KALRN: variants seen among roughly 807,000 people sequenced by gnomAD.
KALRN encodes the protein kalirin.
A neutral mutation model predicts 353.7 loss-of-function variants in KALRN; 70 were observed. The observed-to-expected ratio is 0.20, with a 90% confidence interval of 0.16 to 0.24. The LOEUF (loss-of-function observed/expected upper bound fraction) is 0.24. Ranked by LOEUF, KALRN falls within the 10% of genes least tolerant of loss-of-function variation. The pLI is 1.00. For missense variants in KALRN, 2,791 were observed against 3,756.7 expected (o/e 0.74, Z 6.72); for synonymous variants, 1,391 against 1,434.8 (o/e 0.97, Z 0.69).
intron 1 of KALRN, among the ~76,000 whole-genome samples, chr3:124,222,687 G>T (rs1204333527): frequency 8.6e-5 from 13 of 152,022 alleles, no homozygotes; most frequent in Admixed American, 8.5e-4. Context: ...CTGCAGCCTC[G>T]ACCTCCCTGG....
intron 1 of KALRN, among the ~76,000 whole-genome samples, chr3:124,169,598 C>G (rs4677918): frequency 0.28 from 42,360 of 152,026 alleles, 6,478 homozygotes; most frequent in East Asian, 0.47. Flanking sequence ...GATCCCCTGT[C>G]TCCCTGGCGC....
intron 1 of KALRN, among the ~76,000 whole-genome samples, chr3:124,189,430 G>C (rs2074627571): frequency 6.6e-6 from 1 of 152,152 alleles, no homozygotes; most frequent in African/African-American, 2.4e-5. Flanking sequence ...GGGACATGAA[G>C]GCAGCAAGTG....
chr3:124,395,225 T>C lies in KALRN; in HGVS notation c.2053T>C (p.Phe685Leu). Residue 685 changes from phenylalanine to leucine, a missense_variant, in exon 12 of 60, where the codon TTC becomes CTC. Transcript: ENST00000682506. ...TGCAGTCCAGGAACTGATCAAGCAGTTCCAGCAGCAGCAGACCGCCACTCT... is the reference window on the plus strand; with the variant it reads ...TGCAGTCCAGGAACTGATCAAGCAGCTCCAGCAGCAGCAGACCGCCACTCT... Reference protein sequence around the residue: ...VDAVQELIKQFQQQQTATLDA... With the variant: ...VDAVQELIKQLQQQQTATLDA... 6.2e-7 allele frequency: 1 copy of C among 1,612,640 alleles called. No individual in the cohort carries two copies. The highest frequency in any genetic ancestry group is 2.2e-5 in the East Asian group (1 of 44,840).
intron 5 of KALRN, among the ~76,000 whole-genome samples, chr3:124,294,193 A>G (rs1242666950): frequency 3.3e-5 from 5 of 152,002 alleles, no homozygotes; most frequent in Admixed American, 6.6e-5. Flanking sequence ...GGACATCTAC[A>G]GCTGCCCTTT....
At chr3:124,432,917 G>A (rs573836395) in intron 16 of KALRN, among the ~76,000 whole-genome samples, 56 of 152,310 alleles carry the variant, frequency 3.7e-4, no homozygotes, top group Non-Finnish European at 5.9e-4. Flanking sequence ...AGAAGATATT[G>A]GGAATGAAAG....
At chr3:124,265,806 G>A (rs1218893499) in intron 4 of KALRN, among the ~76,000 whole-genome samples, 6 of 152,046 alleles carry the variant, frequency 3.9e-5, no homozygotes, top group Non-Finnish European at 8.8e-5. Context: ...CATGACTGTT[G>A]GTGACATTAA....
intron 10 of KALRN, among the ~76,000 whole-genome samples, chr3:124,363,964 G>C (rs1353514280): frequency 6.6e-6 from 1 of 152,218 alleles, no homozygotes; most frequent in African/African-American, 2.4e-5. Flanking sequence ...TCTAATCAGA[G>C]AAAAATGGGC....
chr3:124,645,352 T>C (rs1348061566), intron 37 of KALRN, among the ~76,000 whole-genome samples: 1 of 152,238 alleles, frequency 6.6e-6, no homozygotes, highest in Non-Finnish European at 1.5e-5. Flanking sequence ...TTTGTCAATT[T>C]TGGCTTTTGT....
At chr3:124,047,533 C>T (rs943666154) in intron 1 of KALRN, among the ~76,000 whole-genome samples, 1 of 147,732 alleles carries the variant, frequency 6.8e-6, no homozygotes, top group Non-Finnish European at 1.5e-5. Context: ...CGCTCTGTTG[C>T]CCAGGCTGGA....
rs142179908 is a variant in KALRN at position 124,310,328 on chromosome 3, G to A, written c.1092+11415G>A. On this transcript the variant is annotated intron_variant, in intron 6 of 59. Coordinates refer to ENST00000682506, the MANE Select transcript of KALRN (RefSeq NM_001388419.1). The stretch of plus-strand genomic sequence containing the variant: ...TAGAAGACTTAATATTGTTAGGATG[G>A]CAATACTCCTCAAATCCTTGATCTA... 8.2e-3 allele frequency among the ~76,000 whole-genome samples: 1,255 copies of A among 152,196 alleles called. 16 individuals carry two copies. Among genetic ancestry groups the A allele is most frequent in the Admixed American group, 0.019 (287 of 15,296 alleles).
intron 33 of KALRN, among the ~76,000 whole-genome samples, chr3:124,558,905 T>C (rs1162583367): frequency 1.3e-5 from 2 of 152,198 alleles, no homozygotes; most frequent in African/African-American, 2.4e-5. Flanking sequence ...CTGGATGCCA[T>C]TGGGAAACCA....
chr3:124,614,558 C>T (rs933147234), intron 34 of KALRN, among the ~76,000 whole-genome samples: 2 of 110,816 alleles, frequency 1.8e-5, no homozygotes, highest in Admixed American at 1.7e-4. Flanking sequence ...CTGCACCTGG[C>T]TTTTTTCTTT....
intron 10 of KALRN, among the ~76,000 whole-genome samples, chr3:124,379,437 T>A (rs2087020853): frequency 6.6e-6 from 1 of 152,208 alleles, no homozygotes; most frequent in Admixed American, 6.5e-5. Context: ...ATCGTGAGTT[T>A]TACCTTGTCA....
chr3:124,309,060 T>C (rs1250489755), intron 6 of KALRN, among the ~76,000 whole-genome samples: 1 of 151,946 alleles, frequency 6.6e-6, no homozygotes, highest in African/African-American at 2.4e-5. Context: ...ATGGACAAAT[T>C]CATAGAAAGG....
intron 6 of KALRN, among the ~76,000 whole-genome samples, chr3:124,315,825 T>C (rs1223635140): frequency 6.6e-6 from 1 of 152,180 alleles, no homozygotes; most frequent in Non-Finnish European, 1.5e-5. Flanking sequence ...CAGTGAAACC[T>C]AGTATGTCAG....
At chr3:124,171,900 C>T (rs1361635359) in intron 1 of KALRN, among the ~76,000 whole-genome samples, 1 of 152,122 alleles carries the variant, frequency 6.6e-6, no homozygotes, top group Admixed American at 6.5e-5. Flanking sequence ...GTATCTTAAG[C>T]TCTCTCTCCG....
At chr3:124,496,970 G>C (rs1325439437) in intron 33 of KALRN, among the ~76,000 whole-genome samples, 2 of 152,190 alleles carry the variant, frequency 1.3e-5, no homozygotes, top group Non-Finnish European at 1.5e-5. Flanking sequence ...GGGCTCAGTT[G>C]CTGAGAGACA....
At chr3:124,146,090 C>A (rs994463974) in intron 1 of KALRN, among the ~76,000 whole-genome samples, 22 of 152,322 alleles carry the variant, frequency 1.4e-4, no homozygotes, top group Admixed American at 6.5e-4. Context: ...AGAGAGCATA[C>A]AATCCTCCTT....
intron 1 of KALRN, among the ~76,000 whole-genome samples, chr3:124,041,215 A>T (rs1223091140): frequency 3.9e-5 from 6 of 152,176 alleles, no homozygotes; most frequent in Non-Finnish European, 7.4e-5. Flanking sequence ...AGCAGGAGGT[A>T]AACACTCCAT....
Sources: allele counts gnomAD v4.1 joint callset (sites outside exome capture counted in the v4.1 genomes callset), GRCh38; gene constraint gnomAD v4.1.1; transcripts MANE v1.5; gene names NCBI Gene and HGNC (gene_info 2026-07-23, HGNC 2026-07-21).